CXADR: variants seen among roughly 807,000 people sequenced by gnomAD.
The protein encoded by CXADR is CXADR cell adhesion molecule, also known as coxsackievirus and adenovirus receptor.
CXADR carries 20 observed loss-of-function variants against 40.3 expected under a neutral mutation model. That is an observed-to-expected ratio of 0.50 (90% CI 0.35 to 0.72). The LOEUF (loss-of-function observed/expected upper bound fraction) is 0.72. Ranked by LOEUF, CXADR falls within the 30% of genes least tolerant of loss-of-function variation. CXADR has a pLI of 0.01. For synonymous variants in CXADR, 150 were observed against 161.3 expected (o/e 0.93, Z 0.53); for missense variants, 332 against 449.1 (o/e 0.74, Z 2.36).
the CXADR span, among the ~76,000 whole-genome samples, chr21:17,620,864 T>C: frequency 2.6e-5 from 4 of 152,146 alleles, no homozygotes; most frequent in African/African-American, 9.7e-5. Flanking sequence ...AATTGGCTCA[T>C]GCAACTGTGG....
chr21:17,541,252 C>T (rs1406144170), intron 1 of CXADR, among the ~76,000 whole-genome samples: 1 of 152,090 alleles, frequency 6.6e-6, no homozygotes. Flanking sequence ...ATTTCCCTGC[C>T]CTAAAAATCC....
At chr21:17,578,532 A>G (rs185988724) in intron 7 of CXADR, among the ~76,000 whole-genome samples, 2 of 152,350 alleles carry the variant, frequency 1.3e-5, no homozygotes, top group Admixed American at 1.3e-4. Context: ...AGAACAGTGG[A>G]TTAAAGAAAT....
intron 1 of CXADR, among the ~76,000 whole-genome samples, chr21:17,524,028 T>TTGTG (rs531486507): frequency 6.7e-6 from 1 of 148,680 alleles, no homozygotes. Context: ...CCAGGCGATT[T>TTGTG]TGTGTGTGTG....
chr21:17,550,332 C>T (rs1358344338), intron 2 of CXADR, among the ~76,000 whole-genome samples: 1 of 127,360 alleles, frequency 7.9e-6, no homozygotes, highest in Non-Finnish European at 1.6e-5. Context: ...CCTGCCTGGG[C>T]GATAGAACAA....
intron 1 of CXADR, chr21:17,530,511 T>C: frequency 2.2e-6 from 1 of 444,646 alleles, no homozygotes; most frequent in East Asian, 7.2e-5. Context: ...TTTTTTGCCA[T>C]TATGAAATAA....
At chr21:17,579,461 T>G (rs545403545) in intron 7 of CXADR, among the ~76,000 whole-genome samples, 1 of 152,196 alleles carries the variant, frequency 6.6e-6, no homozygotes, top group African/African-American at 2.4e-5. Context: ...ATTTTTTGTA[T>G]TTTTAGTAGA....
intron 1 of CXADR, among the ~76,000 whole-genome samples, chr21:17,524,337 G>A (rs990463627): frequency 1.5e-4 from 23 of 151,504 alleles, no homozygotes; most frequent in African/African-American, 4.8e-4. Flanking sequence ...CGAAGCAGGC[G>A]GATCACCTGA....
chr21:17,600,088 AT>A, the CXADR span, among the ~76,000 whole-genome samples: 10 of 152,104 alleles, frequency 6.6e-5, no homozygotes, highest in Non-Finnish European at 1.5e-4. Flanking sequence ...ATTTTTGAAG[AT>A]TTTTGATTTT....
chr21:17,530,990 G>A (rs1569086947), intron 1 of CXADR, among the ~76,000 whole-genome samples: 2 of 151,878 alleles, frequency 1.3e-5, no homozygotes, highest in African/African-American at 2.4e-5. Context: ...TTGACACTTC[G>A]ATCAAAGAGT....
At chr21:17,576,281 A>G (rs999778523) in intron 7 of CXADR, among the ~76,000 whole-genome samples, 1 of 151,724 alleles carries the variant, frequency 6.6e-6, no homozygotes, top group African/African-American at 2.4e-5. Flanking sequence ...CTTGGGAGAT[A>G]GCCAGCTCTG....
intron 7 of CXADR, among the ~76,000 whole-genome samples, chr21:17,582,309 G>A (rs990530294): frequency 9.2e-5 from 14 of 152,210 alleles, no homozygotes; most frequent in South Asian, 2.1e-4. Flanking sequence ...ACCGCAGCCC[G>A]CTGGAGGAGC....
chr21:17,539,511 G>A (rs2060800724), intron 1 of CXADR, among the ~76,000 whole-genome samples: 1 of 152,086 alleles, frequency 6.6e-6, no homozygotes, highest in Non-Finnish European at 1.5e-5. Context: ...ACATTAGTCT[G>A]GATTAAGTAA....
rs189828810 is a variant in CXADR at position 17,568,778 on chromosome 21, C to T, written c.*3086C>T. 3.2e-4 allele frequency: 314 copies of T among 985,002 alleles called. 1 individual carries two copies. The African/African-American group carries it at 5.2e-3, about 16-fold the overall frequency. The allele number at this position is 985,002 out of a possible 1,614,324, so 61.0% of individuals were successfully genotyped here. On this transcript the variant is annotated 3_prime_UTR_variant, in exon 7 of 7. Transcript: ENST00000284878. ...CTAATATGATTCCCTTGTTAGAGAG[C>T]CTCTCACTCCCCCACCCCCAAAAAT... is the stretch of plus-strand genomic sequence containing the variant.
chr21:17,570,715 A>G (rs1020632279), downstream of CXADR, among the ~76,000 whole-genome samples: 1 of 152,186 alleles, frequency 6.6e-6, no homozygotes, highest in Non-Finnish European at 1.5e-5. Flanking sequence ...AATAAAATGT[A>G]TATCAACATG....
chr21:17,607,386 A>G, the CXADR span, among the ~76,000 whole-genome samples: 4 of 152,048 alleles, frequency 2.6e-5, no homozygotes, highest in Admixed American at 2.6e-4. Flanking sequence ...AAATGAAAAT[A>G]TGCAAAAAAA....
chr21:17,575,012 C>T (rs1019025194), downstream of CXADR, among the ~76,000 whole-genome samples: 1 of 148,466 alleles, frequency 6.7e-6, no homozygotes, highest in African/African-American at 2.6e-5. Context: ...TACATACATA[C>T]ATACATACAT....
downstream of CXADR, among the ~76,000 whole-genome samples, chr21:17,595,415 CTTT>C (rs1490157505): frequency 1.3e-5 from 2 of 151,830 alleles, no homozygotes; most frequent in African/African-American, 4.8e-5. Flanking sequence ...CCTTTATCTT[CTTT>C]ATCTTAACCC....
At chr21:17,535,783 G>A (rs1210679848) in intron 1 of CXADR, among the ~76,000 whole-genome samples, 3 of 152,188 alleles carry the variant, frequency 2.0e-5, no homozygotes, top group African/African-American at 7.2e-5. Context: ...CAGGCAGGTG[G>A]ATCGCCTGAG....
the CXADR span, among the ~76,000 whole-genome samples, chr21:17,600,551 TG>T: frequency 6.6e-6 from 1 of 152,194 alleles, no homozygotes; most frequent in Non-Finnish European, 1.5e-5. Context: ...CTGGGTGCAG[TG>T]GCTTACACCT....
Sources: allele counts gnomAD v4.1 joint callset (sites outside exome capture counted in the v4.1 genomes callset), GRCh38; gene constraint gnomAD v4.1.1; transcripts MANE v1.5; gene names NCBI Gene and HGNC (gene_info 2026-07-23, HGNC 2026-07-21).